GRID2: variants seen among roughly 807,000 people sequenced by gnomAD.
GRID2 encodes the protein glutamate ionotropic receptor delta type subunit 2.
GRID2 carries 33 observed loss-of-function variants against 114.8 expected under a neutral mutation model. The observed-to-expected ratio is 0.29, with a 90% CI of 0.22 to 0.38. The LOEUF is 0.38. Among genes scored for constraint, GRID2 ranks in the 10% least tolerant of loss-of-function variants. The pLI is 1.00. For synonymous variants in GRID2, 505 were observed against 449.9 expected (o/e 1.12, Z -1.55); for missense variants, 1,184 against 1,257.7 (o/e 0.94, Z 0.89).
intron 8 of GRID2, among the ~76,000 whole-genome samples, chr4:93,394,115 A>G (rs758557676): frequency 3.9e-5 from 6 of 152,020 alleles, no homozygotes; most frequent in Non-Finnish European, 8.8e-5. Flanking sequence ...GTAATTGAAG[A>G]TAGACTTTTG....
At position 92,740,477 on chromosome 4, in the gene GRID2, AT is replaced by A. The variant is rs969240189; in HGVS notation, c.244+150193del. ...AATCAAAGCTTCAAAACAGAGAGGG[AT>A]TATGCCACTTGAGTAACTGAGTACA... is the stretch of plus-strand genomic sequence containing the variant. On this transcript the variant is annotated intron_variant, in intron 2 of 15. Transcript: ENST00000282020. Among the ~76,000 whole-genome samples the A allele has an allele frequency of 7.2e-5, 11 of 152,300 alleles. 1 individual carries two copies. Among genetic ancestry groups the A allele is most frequent in the Admixed American group, 5.2e-4 (8 of 15,286 alleles).
chr4:92,634,324 C>T (rs540909685), intron 2 of GRID2, among the ~76,000 whole-genome samples: 1 of 152,202 alleles, frequency 6.6e-6, no homozygotes, highest in East Asian at 1.9e-4. Context: ...ACAACAGAAT[C>T]ATGTCAGAGC....
At chr4:93,410,820 T>C (rs1767049148) in intron 9 of GRID2, among the ~76,000 whole-genome samples, 1 of 152,208 alleles carries the variant, frequency 6.6e-6, no homozygotes, top group South Asian at 2.1e-4. Flanking sequence ...TGACCTCAGG[T>C]GATCCTCCCG....
At chr4:93,159,280 T>C (rs984983692) in intron 4 of GRID2, among the ~76,000 whole-genome samples, 3 of 151,814 alleles carry the variant, frequency 2.0e-5, no homozygotes, top group African/African-American at 4.8e-5. Context: ...TCTGAGCCCA[T>C]AACTTTACTT....
chr4:92,883,234 C>T (rs1253192444), intron 2 of GRID2, among the ~76,000 whole-genome samples: 1 of 152,122 alleles, frequency 6.6e-6, no homozygotes, highest in Non-Finnish European at 1.5e-5. Context: ...TTTGCTCATC[C>T]ATAACAAGTA....
chr4:93,281,841 T>C (rs1156712138), intron 8 of GRID2, among the ~76,000 whole-genome samples: 4 of 151,992 alleles, frequency 2.6e-5, no homozygotes, highest in Non-Finnish European at 5.9e-5. Flanking sequence ...ATCTTTGTAA[T>C]ATTACGAAAT....
At chr4:92,693,026 A>T (rs1196273314) in intron 2 of GRID2, among the ~76,000 whole-genome samples, 1 of 150,664 alleles carries the variant, frequency 6.6e-6, no homozygotes, top group African/African-American at 2.4e-5. Flanking sequence ...GTCTCAAAAA[A>T]AAAAAAAGAA....
intron 2 of GRID2, among the ~76,000 whole-genome samples, chr4:92,606,420 C>G (rs1006479838): frequency 6.6e-6 from 1 of 151,968 alleles, no homozygotes; most frequent in East Asian, 1.9e-4. Flanking sequence ...ACACTAGTTT[C>G]GCTTTAAGTC....
chr4:92,750,514 GT>G (rs1291956639), intron 2 of GRID2, among the ~76,000 whole-genome samples: 5 of 152,166 alleles, frequency 3.3e-5, no homozygotes, highest in African/African-American at 9.7e-5. Context: ...AAGAGAATGT[GT>G]GCTAGAATGG....
intron 2 of GRID2, among the ~76,000 whole-genome samples, chr4:92,647,483 G>GT (rs1249018481): frequency 2.7e-5 from 4 of 149,412 alleles, no homozygotes; most frequent in South Asian, 4.2e-4. Flanking sequence ...TTGAATTATG[G>GT]TTTTTTTGTT....
chr4:93,251,273 T>C (rs1444722790), intron 8 of GRID2, among the ~76,000 whole-genome samples: 1 of 152,170 alleles, frequency 6.6e-6, no homozygotes, highest in Non-Finnish European at 1.5e-5. Context: ...ATATTTTGCC[T>C]GTGATTTGAA....
chr4:92,570,985 T>C (rs1308873552), intron 1 of GRID2, among the ~76,000 whole-genome samples: 1 of 152,048 alleles, frequency 6.6e-6, no homozygotes, highest in Non-Finnish European at 1.5e-5. Flanking sequence ...AATACTATGT[T>C]GAATAGGAGT....
intron 1 of GRID2, among the ~76,000 whole-genome samples, chr4:92,400,401 T>G (rs1730729810): frequency 6.6e-6 from 1 of 152,176 alleles, no homozygotes; most frequent in African/African-American, 2.4e-5. Flanking sequence ...GTAAAATGTT[T>G]TCAAGGTTCA....
intron 2 of GRID2, among the ~76,000 whole-genome samples, chr4:92,653,541 A>G (rs941437053): frequency 6.6e-6 from 1 of 151,978 alleles, no homozygotes; most frequent in African/African-American, 2.4e-5. Flanking sequence ...TTTAAGCCCC[A>G]TGAAAATAGA....
intron 2 of GRID2, among the ~76,000 whole-genome samples, chr4:93,084,496 A>T (rs1342350613): frequency 6.6e-6 from 1 of 152,212 alleles, no homozygotes; most frequent in Non-Finnish European, 1.5e-5. Context: ...TTCTGTTTTC[A>T]GTGGCCAGAA....
intron 8 of GRID2, among the ~76,000 whole-genome samples, chr4:93,294,983 A>G (rs1490027215): frequency 6.6e-6 from 1 of 152,194 alleles, no homozygotes; most frequent in African/African-American, 2.4e-5. Flanking sequence ...GTATGGTTTC[A>G]AGATCCTGGC....
chr4:92,668,816 T>C (rs1275100636), intron 2 of GRID2, among the ~76,000 whole-genome samples: 1 of 151,900 alleles, frequency 6.6e-6, no homozygotes, highest in Non-Finnish European at 1.5e-5. Context: ...ATAAATATTA[T>C]AGTCCCCTTG....
intron 1 of GRID2, among the ~76,000 whole-genome samples, chr4:92,501,959 C>A (rs1166099068): frequency 6.6e-6 from 1 of 151,882 alleles, no homozygotes; most frequent in African/African-American, 2.4e-5. Flanking sequence ...AATTTTTAAA[C>A]TTACTTTCCT....
At chr4:93,383,953 C>G (rs1016626017) in intron 8 of GRID2, among the ~76,000 whole-genome samples, 6 of 152,026 alleles carry the variant, frequency 3.9e-5, no homozygotes, top group Non-Finnish European at 7.4e-5. Context: ...CTGTCTTAGA[C>G]CTTTTGAGCT....
Sources: allele counts gnomAD v4.1 joint callset (sites outside exome capture counted in the v4.1 genomes callset), GRCh38; gene constraint gnomAD v4.1.1; transcripts MANE v1.5; gene names NCBI Gene and HGNC (gene_info 2026-07-23, HGNC 2026-07-21).